The following CSAD variants were observed in gnomAD, a reference collection of about 807,000 sequenced individuals.
CSAD encodes cysteine sulfinic acid decarboxylase, also known as P-selectin cytoplasmic tail-associated protein.
A neutral mutation model predicts 61.5 loss-of-function variants in CSAD; 47 were observed. The ratio of observed to expected loss-of-function variants is 0.76; its 90% CI spans 0.60 to 0.97. The LOEUF (loss-of-function observed/expected upper bound fraction) is 0.97, where lower values mean the gene tolerates loss of function less well. Among genes scored for constraint, CSAD ranks in the 50% least tolerant of loss-of-function variants. CSAD has a pLI of 0.00. For synonymous variants in CSAD, 245 were observed against 252.7 expected (o/e 0.97, Z 0.29); for missense variants, 611 against 643.6 (o/e 0.95, Z 0.55).
In CSAD at chr12:53,171,188, G is replaced by A. The variant is rs1337241656; in HGVS notation, c.567+138C>T. ...AGCAGTTACTTGACCTCCTTGATTGGAAGGAAGCACATCCGCCTGGGGGCA... is the reference window on the plus strand; with the variant it reads ...AGCAGTTACTTGACCTCCTTGATTGAAAGGAAGCACATCCGCCTGGGGGCA... On this transcript the variant is annotated intron_variant, in intron 8 of 16. Transcript: ENST00000444623. 3.7e-6 allele frequency: 5 copies of A among 1,336,956 alleles called. No homozygotes were observed. In the African/African-American group the frequency reaches 5.8e-5, roughly 15 times the overall value. The allele number at this position is 1,336,956 out of a possible 1,614,324, so 82.8% of individuals were successfully genotyped here.
intron 10 of CSAD, 95 bp downstream of exon 10, chr12:53,169,977 C>T (rs920593369): frequency 2.0e-5 from 22 of 1,079,976 alleles, no homozygotes; most frequent in Middle Eastern, 5.6e-4. Flanking sequence ...GGCATGGAGA[C>T]GAGAGGGATG....
In CSAD at chr12:53,172,523, A is replaced by G. The variant is rs751753012; in HGVS notation, c.252T>C (p.Thr84=). ...CTCCTCACAGAAGCCAGGGCCCACCAGTCTTGACACTGTAGCGAATCACAG... is the reference window on the plus strand; with the variant it reads ...CTCCTCACAGAAGCCAGGGCCCACCGGTCTTGACACTGTAGCGAATCACAG... The part of the protein sequence containing the change: ...CRAVIRYSVK[T]GHPRFFNQLF... Residue 84 remains threonine, a splice_region_variant and synonymous_variant, in exon 5 of 17, where the codon ACT becomes ACC. Coordinates refer to ENST00000444623, the MANE Select transcript of CSAD (RefSeq NM_001244705.2). 6.2e-7 allele frequency: 1 copy of G among 1,614,168 alleles called. No individual in the cohort carries two copies. Among genetic ancestry groups the G allele is most frequent in the South Asian group, 1.1e-5 (1 of 91,080 alleles).
In CSAD at chr12:53,172,661, C is replaced by T. The variant is rs754468413; in HGVS notation, c.127-13G>A. On this transcript the variant is annotated splice_polypyrimidine_tract_variant and intron_variant, in intron 4 of 16. Transcript: ENST00000444623. ...TCCACTCACAGACCTAGGAAGAGAGCCGGGGATGCTGGGGGCCTGGGATGC... is the reference window on the plus strand; with the variant it reads ...TCCACTCACAGACCTAGGAAGAGAGTCGGGGATGCTGGGGGCCTGGGATGC... 1 of 1,599,496 alleles carries T rather than the reference C, an allele frequency of 6.3e-7. No homozygotes were observed. The highest frequency in any genetic ancestry group is 8.5e-7 in the Non-Finnish European group (1 of 1,174,892).
At chr12:53,162,161 G>A (rs543574460) in intron 10 of CSAD, among the ~76,000 whole-genome samples, 19 of 151,800 alleles carry the variant, frequency 1.3e-4, no homozygotes, top group Non-Finnish European at 2.2e-4. Flanking sequence ...CTTGGGAGGC[G>A]GAAGCCGAGG....
At chr12:53,178,576 G>C (rs554016194) in intron 2 of CSAD, among the ~76,000 whole-genome samples, 2 of 152,232 alleles carry the variant, frequency 1.3e-5, no homozygotes, top group Admixed American at 1.3e-4. Flanking sequence ...TAGATGACCT[G>C]AGGTCAGGAG....
At chr12:53,159,539 T>C in intron 16 of CSAD, 84 bp downstream of exon 16, 2 of 1,165,170 alleles carry the variant, frequency 1.7e-6, no homozygotes, top group Non-Finnish European at 2.5e-6. Flanking sequence ...AGACCTGCCA[T>C]GCCACTCCCA....
Position 53,159,952 on chromosome 12 carries a change from G to A in CSAD, c.1167-14C>T. The A allele has an allele frequency of 1.2e-6, 2 of 1,606,622 alleles. No homozygotes were observed. Among genetic ancestry groups the A allele is most frequent in the South Asian group, 1.1e-5 (1 of 90,074 alleles). The stretch of plus-strand genomic sequence containing the variant: ...TCCACCAGGTACCTGTGAACAGAGA[G>A]TGAGAAACCATAGGCGGGGAGGAAA... On this transcript the variant is annotated splice_polypyrimidine_tract_variant and intron_variant, in intron 14 of 16. Transcript: ENST00000444623.
intron 2 of CSAD, among the ~76,000 whole-genome samples, chr12:53,176,535 T>C (rs1477589528): frequency 6.6e-6 from 1 of 151,818 alleles, no homozygotes; most frequent in South Asian, 2.1e-4. Context: ...CTGGCTAATA[T>C]GGTGAAACCC....
intron 13 of CSAD, 94 bp downstream of exon 13, chr12:53,160,669 A>C (rs1292894583): frequency 3.6e-6 from 4 of 1,101,680 alleles, no homozygotes; most frequent in African/African-American, 1.6e-5. Context: ...TGGTAAAGAG[A>C]ATAGAGAAAG....
chr12:53,173,899 CA>C (rs201227804), intron 2 of CSAD, 129 bp from the exon 3 acceptor site: 218 of 858,422 alleles, frequency 2.5e-4, no homozygotes, highest in Non-Finnish European at 2.9e-4. Flanking sequence ...TTTCATCACC[CA>C]AAAAAAAACC....
At chr12:53,160,673 G>T in intron 13 of CSAD, 90 bp downstream of exon 13, 1 of 1,147,714 alleles carries the variant, frequency 8.7e-7, no homozygotes, top group Non-Finnish European at 1.3e-6. Context: ...AAAGAGAATA[G>T]AGAAAGGCCT....
At position 53,172,390 on chromosome 12, in the gene CSAD, A is replaced by T. The variant is rs149264090; in HGVS notation, c.300T>A (p.His100Gln). The T allele has an allele frequency of 3.9e-3, 6,341 of 1,614,136 alleles. 20 individuals carry two copies. The highest frequency in any genetic ancestry group is 5.8e-3 in the Admixed American group (346 of 60,026). Reference protein sequence around the residue: ...FNQLFSGLDPHALAGRIITES... With the variant: ...FNQLFSGLDPQALAGRIITES... Reference sequence around the variant, plus strand: ...CAGTGATAATGCGCCCGGCCAGAGCATGGGGATCCAACCCAGAGAAGAGCT... The same window carrying T: ...CAGTGATAATGCGCCCGGCCAGAGCTTGGGGATCCAACCCAGAGAAGAGCT... The change falls in exon 6 of 17, where the codon CAT becomes CAA. Residue 100 changes from histidine to glutamine, a missense_variant. Physicochemically the swap from His to Gln is conservative, Grantham distance 24. Transcript: ENST00000444623.
At chr12:53,159,586 T>A (rs1939004414) in intron 16 of CSAD, 37 bp downstream of exon 16, 6 of 1,562,968 alleles carry the variant, frequency 3.8e-6, no homozygotes, top group Non-Finnish European at 5.2e-6. Context: ...TTGCATCAGC[T>A]CCCTAACGGG....
chr12:53,173,237 G>A (rs1017348455), intron 4 of CSAD, 108 bp downstream of exon 4: 7 of 1,022,564 alleles, frequency 6.8e-6, no homozygotes, highest in African/African-American at 1.7e-5. Context: ...AAAAAGGAAG[G>A]AAGAAAGAAG....
At chr12:53,177,136 A>C (rs1941168874) in intron 2 of CSAD, among the ~76,000 whole-genome samples, 1 of 152,196 alleles carries the variant, frequency 6.6e-6, no homozygotes, top group South Asian at 2.1e-4. Flanking sequence ...TTAATCTGAC[A>C]TCTGGTCATG....
Position 53,160,108 on chromosome 12 carries a change from C to A in CSAD, c.1166+12G>T. On this transcript the variant is annotated intron_variant, in intron 14 of 16. Coordinates refer to ENST00000444623, the MANE Select transcript of CSAD (RefSeq NM_001244705.2). The stretch of plus-strand genomic sequence containing the variant: ...GGGGAACAGGGACGACCCCCCACCT[C>A]CTCCCGCCTACCGGGCAAGGACAAA... 6.2e-7 allele frequency: 1 copy of A among 1,612,504 alleles called. No individual in the cohort carries two copies.
At chr12:53,181,096 C>T (rs1407303309), upstream of CSAD, 1 of 929,732 alleles carries the variant, frequency 1.1e-6, no homozygotes. Flanking sequence ...TCGCGCGCTT[C>T]TCGGCACTCT....
chr12:53,170,044 A>C lies in CSAD; in HGVS notation c.702+28T>G, dbSNP rs77656161. On this transcript the variant is annotated intron_variant, in intron 10 of 16. Coordinates refer to ENST00000444623, the MANE Select transcript of CSAD (RefSeq NM_001244705.2). ...ACCCTCCAAGACAGTTGGAGGCTAT[A>C]TCACCCCAGCGAGCCTCACTGACTC... The C allele has an allele frequency of 7.5e-4, 1,207 of 1,604,798 alleles. 5 individuals are homozygous for C. In the African/African-American group the frequency reaches 0.015, roughly 19 times the overall value.
At chr12:53,180,951 G>A (rs564970528), upstream of CSAD, 86 of 858,634 alleles carry the variant, frequency 1.0e-4, no homozygotes, top group African/African-American at 1.5e-3. Flanking sequence ...GGAGGGGCGC[G>A]TGGCGAAGGG....
Sources: gnomAD v4.1 joint callset for allele counts (sites outside exome capture counted in the v4.1 genomes callset) on GRCh38, gnomAD v4.1.1 for gene constraint, MANE v1.5 for transcripts, NCBI Gene and HGNC (gene_info 2026-07-23, HGNC 2026-07-21) for gene names.